Variants in AOPEP observed in about 807,000 individuals in gnomAD.
The protein encoded by AOPEP is aminopeptidase O.
Under a neutral mutation model 98.1 loss-of-function variants are expected in AOPEP, and 77 were observed. The observed-to-expected ratio is 0.78, with a 90% CI of 0.65 to 0.95. The LOEUF (loss-of-function observed/expected upper bound fraction) is 0.95. AOPEP is among the 40% of genes least tolerant of loss of function. The pLI is 0.00. For synonymous variants in AOPEP, 346 were observed against 365.3 expected, an observed-to-expected ratio of 0.95 and a Z score of 0.60; for missense variants, 1,024 against 1,024.7, an observed-to-expected ratio of 1.00 and a Z score of 0.01.
chr9:94,970,394 A>C (rs1215519282), intron 10 of AOPEP, among the ~76,000 whole-genome samples: 1 of 150,558 alleles, frequency 6.6e-6, no homozygotes, highest in Non-Finnish European at 1.5e-5. Flanking sequence ...GCTATCAAAC[A>C]GTAGATCTTA....
intron 5 of AOPEP, among the ~76,000 whole-genome samples, chr9:94,819,229 C>G (rs112387140): frequency 6.6e-6 from 1 of 152,184 alleles, no homozygotes; most frequent in Non-Finnish European, 1.5e-5. Context: ...TGTCTCTGAT[C>G]TGTTCTCAGT....
the AOPEP span, among the ~76,000 whole-genome samples, chr9:95,137,703 T>C: frequency 6.6e-6 from 1 of 152,158 alleles, no homozygotes; most frequent in East Asian, 1.9e-4. Context: ...GGAGAGGAAT[T>C]GGCTGAAGGT....
intron 3 of AOPEP, among the ~76,000 whole-genome samples, chr9:94,784,070 T>C (rs1173715731): frequency 6.6e-6 from 1 of 152,214 alleles, no homozygotes; most frequent in African/African-American, 2.4e-5. Context: ...ATAGGAAGAA[T>C]TTAAGTGCCT....
At chr9:94,890,636 C>G (rs550755705) in intron 5 of AOPEP, among the ~76,000 whole-genome samples, 23 of 152,210 alleles carry the variant, frequency 1.5e-4, no homozygotes, top group African/African-American at 5.5e-4. Context: ...ACATTCGCTT[C>G]TCCACATTGC....
At chr9:95,116,421 A>G in the AOPEP span, among the ~76,000 whole-genome samples, 1 of 152,232 alleles carries the variant, frequency 6.6e-6, no homozygotes, top group East Asian at 1.9e-4. Flanking sequence ...TCGAAAAAGG[A>G]AGAGGAATTT....
chr9:94,957,540 T>C (rs1236866684), intron 9 of AOPEP, among the ~76,000 whole-genome samples: 4 of 152,240 alleles, frequency 2.6e-5, no homozygotes, highest in African/African-American at 4.8e-5. Flanking sequence ...TCATTGTTTC[T>C]TCATAGCAAC....
At chr9:94,984,939 C>G (rs1365182689) in intron 11 of AOPEP, among the ~76,000 whole-genome samples, 1 of 152,228 alleles carries the variant, frequency 6.6e-6, no homozygotes, top group Non-Finnish European at 1.5e-5. Flanking sequence ...GGCGGGAGTG[C>G]TGGGTTCACA....
intron 1 of AOPEP, among the ~76,000 whole-genome samples, chr9:94,729,643 T>C (rs1830060457): frequency 6.6e-6 from 1 of 151,944 alleles, no homozygotes; most frequent in South Asian, 2.1e-4. Context: ...GAAACATTTA[T>C]AATTCTCTGC....
At chr9:94,960,343 G>C (rs1031155801) in intron 9 of AOPEP, among the ~76,000 whole-genome samples, 3 of 151,506 alleles carry the variant, frequency 2.0e-5, no homozygotes, top group Non-Finnish European at 4.4e-5. Context: ...CCCAGGAGGC[G>C]GGGGTTGCAG....
intron 13 of AOPEP, among the ~76,000 whole-genome samples, chr9:95,032,934 C>A (rs955435581): frequency 2.0e-5 from 3 of 152,174 alleles, no homozygotes; most frequent in Admixed American, 2.0e-4. Context: ...AAGGATTCTT[C>A]TGATACTGTG....
intron 2 of AOPEP, chr9:94,760,796 T>G (rs1361914874): frequency 5.2e-5 from 21 of 407,546 alleles, no homozygotes; most frequent in Middle Eastern, 1.3e-3. Flanking sequence ...GATGAAAAGA[T>G]TATTAAGCCC....
chr9:94,977,522 G>A (rs1334297964), intron 10 of AOPEP, among the ~76,000 whole-genome samples: 1 of 152,162 alleles, frequency 6.6e-6, no homozygotes, highest in Non-Finnish European at 1.5e-5. Context: ...GGTAAATAAA[G>A]CTTAAAAAAG....
In AOPEP at chr9:95,062,154, A is replaced by G. The variant is rs1178198817; in HGVS notation, c.2232+1344A>G. Among the ~76,000 whole-genome samples, 7 of 152,288 alleles carry G rather than the reference A, an allele frequency of 4.6e-5. No homozygotes were observed. The East Asian group carries it at 1.4e-3, about 29-fold the overall frequency. ...TTGCAGCTCAACTTAGTTGTTATAT[A>G]TAACCTCTTAGAACCTTTGAGAAGA... On this transcript the variant is annotated intron_variant, in intron 14 of 16. Transcript: ENST00000375315.
chr9:95,092,550 G>A, the AOPEP span, among the ~76,000 whole-genome samples: 2 of 152,232 alleles, frequency 1.3e-5, no homozygotes, highest in African/African-American at 4.8e-5. Flanking sequence ...TGTGCACCCT[G>A]TGGTTTCCAT....
Position 94,954,460 on chromosome 9 carries a change from A to G in AOPEP, c.1662-717A>G, listed in dbSNP as rs150068899. Among the ~76,000 whole-genome samples the G allele has an allele frequency of 1.6e-4, 25 of 152,366 alleles. No individual in the cohort carries two copies. In the East Asian group the frequency reaches 4.8e-3, roughly 29 times the overall value. Reference sequence around the variant, plus strand: ...TAACACTAACGACAGCTGATAAGCTAAGGAAAAAATCGCAAAAAAATCTCG... The same window carrying G: ...TAACACTAACGACAGCTGATAAGCTGAGGAAAAAATCGCAAAAAAATCTCG... On this transcript the variant is annotated intron_variant, in intron 7 of 16. Transcript: ENST00000375315.
rs960881054 is a variant in AOPEP, at chr9:94,873,961, C to T, written c.1365-50025C>T. ...TAAACTATTAGTAGTTTATTGAGTACATTCCTTTTTGTGTATACCTGGGAT... is the reference window on the plus strand; with the variant it reads ...TAAACTATTAGTAGTTTATTGAGTATATTCCTTTTTGTGTATACCTGGGAT... On this transcript the variant is annotated intron_variant, in intron 5 of 16. Transcript: ENST00000375315. Among the ~76,000 whole-genome samples the T allele has an allele frequency of 9.9e-5, 15 of 152,112 alleles. 1 individual carries two copies. Among genetic ancestry groups the T allele is most frequent in the South Asian group, 4.1e-4 (2 of 4,820 alleles).
intron 3 of AOPEP, among the ~76,000 whole-genome samples, chr9:94,789,769 C>T (rs1324329702): frequency 6.6e-6 from 1 of 152,188 alleles, no homozygotes; most frequent in East Asian, 1.9e-4. Flanking sequence ...AGCAGTGATT[C>T]TCTTTGAGGC....
intron 1 of AOPEP, among the ~76,000 whole-genome samples, chr9:94,732,389 G>C (rs1264070274): frequency 6.6e-6 from 1 of 152,028 alleles, no homozygotes; most frequent in Non-Finnish European, 1.5e-5. Flanking sequence ...AGGTTTTGTT[G>C]TTACATCATT....
At position 95,086,692 on chromosome 9, in the gene AOPEP, A is replaced by C; in HGVS notation, c.*15A>C. 1.0e-6 allele frequency: 1 copy of C among 988,250 alleles called. No individual in the cohort carries two copies. The highest frequency in any genetic ancestry group is 1.2e-6 in the Non-Finnish European group (1 of 830,574). 61.2% of individuals were successfully genotyped at this position (988,250 alleles called of 1,614,324 possible). A position where few individuals can be genotyped will look rare whatever the true frequency, so the allele number is the denominator to read the frequency against. ...CTGTTTCCTTTGCAGGAAAGACCACAGCAAGATTCTTTCATTCGTCTCCTC... is the reference window on the plus strand; with the variant it reads ...CTGTTTCCTTTGCAGGAAAGACCACCGCAAGATTCTTTCATTCGTCTCCTC... On this transcript the variant is annotated 3_prime_UTR_variant, in exon 17 of 17. Coordinates refer to ENST00000375315, the MANE Select transcript of AOPEP (RefSeq NM_001193329.3).
Sources: gnomAD v4.1 joint callset for allele counts (sites outside exome capture counted in the v4.1 genomes callset) on GRCh38, gnomAD v4.1.1 for gene constraint, MANE v1.5 for transcripts, NCBI Gene and HGNC (gene_info 2026-07-23, HGNC 2026-07-21) for gene names.